ACE: variants seen among roughly 807,000 people sequenced by gnomAD.
The protein encoded by ACE is angiotensin-converting enzyme.
ACE carries 122 observed loss-of-function variants against 162.3 expected under a neutral mutation model. That is an observed-to-expected ratio of 0.75 (90% CI 0.65 to 0.87). The LOEUF (loss-of-function observed/expected upper bound fraction) is 0.87. ACE is among the 40% of genes least tolerant of loss of function. ACE has a pLI of 0.00. For missense variants in ACE, 1,799 were observed against 1,735.1 expected, an observed-to-expected ratio of 1.04 and a Z score of -0.65; for synonymous variants, 796 against 720.6, an observed-to-expected ratio of 1.10 and a Z score of -1.68.
Position 63,496,952 on chromosome 17 carries a change from G to A in ACE, c.3658G>A (p.Gly1220Ser), listed in dbSNP as rs1418538736. 6.2e-6 allele frequency: 10 copies of A among 1,612,840 alleles called. No individual in the cohort carries two copies. The highest frequency in any genetic ancestry group is 8.5e-6 in the Non-Finnish European group (10 of 1,179,908). ...TENELHGEKLGWPQYNWTPNS... is the reference protein window; with the variant it reads ...TENELHGEKLSWPQYNWTPNS... ...GAACGAGCTGCATGGGGAGAAGCTG[G>A]GCTGGCCGCAGTACAACTGGACGCC... Residue 1220 changes from glycine to serine, a missense_variant, in exon 24 of 25, where the codon GGC becomes AGC. Transcript: ENST00000290866.
chr17:63,477,128 C>CTGCTGCTGCCGCTGCCGCTGCTGT lies in ACE; in HGVS notation c.47_70dup (p.Leu16_Pro23dup), dbSNP rs983649759. 5.0e-6 allele frequency: 7 copies of CTGCTGCTGCCGCTGCCGCTGCTGT among 1,409,322 alleles called. No individual in the cohort carries two copies. The highest frequency in any genetic ancestry group is 3.2e-5 in the East Asian group (1 of 31,732). The allele number at this position is 1,409,322 out of a possible 1,614,324, so 87.3% of individuals were successfully genotyped here. A position where few individuals can be genotyped will look rare whatever the true frequency, so the allele number is the denominator to read the frequency against. On this transcript the variant is annotated inframe_insertion, in exon 1 of 25. Transcript: ENST00000290866. Reference sequence around the variant, plus strand: ...CGCCTCGGGCCGCCGGGGGCCGGGGCTGCTGCTGCCGCTGCCGCTGCTGTT... The same window carrying CTGCTGCTGCCGCTGCCGCTGCTGT: ...CGCCTCGGGCCGCCGGGGGCCGGGGCTGCTGCTGCCGCTGCCGCTGCTGTTGCTGCTGCCGCTGCCGCTGCTGTT...
In ACE at chr17:63,478,986, T is replaced by A. The variant is rs778563039; in HGVS notation, c.418-21T>A. ...TCCCAGGGGCTGGTCACTGGAGCAT[T>A]CCTCCCCTCTGACTCCCCAGTACAA... On this transcript the variant is annotated intron_variant, in intron 2 of 24. Coordinates refer to ENST00000290866, the MANE Select transcript of ACE (RefSeq NM_000789.4). 3.1e-6 allele frequency: 5 copies of A among 1,604,286 alleles called. No homozygotes were observed. In the South Asian group the frequency reaches 5.5e-5, roughly 18 times the overall value.
At chr17:63,478,257 T>C (rs1489949074) in intron 2 of ACE, 159 bp downstream of exon 2, 1 of 936,908 alleles carries the variant, frequency 1.1e-6, no homozygotes, top group East Asian at 2.7e-5. Context: ...TTTCTGAGCA[T>C]TGATTTTTCT....
chr17:63,497,480 C>T lies in ACE; in HGVS notation c.*114C>T. ...ACCCCAGCCCACCCTGCTCCTCCTG[C>T]CCTGTCCCTGTCCCCCTCCCCTCCC... is the stretch of plus-strand genomic sequence containing the variant. On this transcript the variant is annotated 3_prime_UTR_variant, in exon 25 of 25. Coordinates refer to ENST00000290866, the MANE Select transcript of ACE (RefSeq NM_000789.4). 1 of 933,004 alleles carries T rather than the reference C, an allele frequency of 1.1e-6. No homozygotes were observed. The highest frequency in any genetic ancestry group is 1.7e-6 in the Non-Finnish European group (1 of 596,636). 57.8% of individuals were successfully genotyped at this position (933,004 alleles called of 1,614,324 possible).
rs200011052 is a variant in ACE, at chr17:63,493,658, C to T, written c.3135C>T (p.Asp1045=). ...LNLLSSEGGS[D]EHDINFLMKM... is the part of the protein sequence containing the mutation. ...TGCTGAGCAGTGAGGGTGGCAGCGA[C>T]GGTGAGAGAGAAGCGGGAGGCCCTG... Residue 1045 remains aspartate, a splice_region_variant and synonymous_variant, in exon 20 of 25, where the codon GAC becomes GAT. Transcript: ENST00000290866. The T allele has an allele frequency of 9.9e-6, 16 of 1,613,776 alleles. No homozygotes were observed. The highest frequency in any genetic ancestry group is 6.7e-5 in the African/African-American group (5 of 74,892).
Position 63,477,277 on chromosome 17 carries a change from G to T in ACE, c.183G>T (p.Leu61=). ...QSYNSSAEQV[L]FQSVAASWAH... ...ACAACTCCAGCGCCGAACAGGTGCT[G>T]TTCCAGAGCGTGGCCGCCAGCTGGG... Residue 61 remains leucine (L), a synonymous_variant, in exon 1 of 25, where the codon CTG becomes CTT. Coordinates refer to ENST00000290866, the MANE Select transcript of ACE (RefSeq NM_000789.4). 1 of 1,464,382 alleles carries T rather than the reference G, an allele frequency of 6.8e-7. No homozygotes were observed. The highest frequency in any genetic ancestry group is 9.1e-7 in the Non-Finnish European group (1 of 1,104,678). The allele number at this position is 1,464,382 out of a possible 1,614,324, so 90.7% of individuals were successfully genotyped here. A position where few individuals can be genotyped will look rare whatever the true frequency, so the allele number is the denominator to read the frequency against.
chr17:63,483,135 C>T lies in ACE; in HGVS notation c.1449C>T (p.Thr483=), dbSNP rs201780696. ...QWRWGVFSGR[T]PPSRYNFDWW... Reference sequence around the variant, plus strand: ...GCTGGGGGGTCTTTAGTGGGCGTACCCCCCCTTCCCGCTACAACTTCGACT... The same window carrying T: ...GCTGGGGGGTCTTTAGTGGGCGTACTCCCCCTTCCCGCTACAACTTCGACT... The change falls in exon 9 of 25, where the codon ACC becomes ACT. Residue 483 remains threonine (T), a synonymous_variant. Transcript: ENST00000290866. The T allele has an allele frequency of 6.2e-7, 1 of 1,614,012 alleles. No homozygotes were observed. The highest frequency in any genetic ancestry group is 8.5e-7 in the Non-Finnish European group (1 of 1,180,010).
In ACE at chr17:63,497,916, C is replaced by A; in HGVS notation, c.*550C>A. 4.5e-6 allele frequency: 1 copy of A among 220,536 alleles called. No individual in the cohort carries two copies. The highest frequency in any genetic ancestry group is 9.2e-6 in the Non-Finnish European group (1 of 108,936). 13.7% of individuals were successfully genotyped at this position (220,536 alleles called of 1,614,324 possible). A position where few individuals can be genotyped will look rare whatever the true frequency, so the allele number is the denominator to read the frequency against. On this transcript the variant is annotated 3_prime_UTR_variant, in exon 25 of 25. Transcript: ENST00000290866. ...GCTGCTGGCCTCACATTTCCACTGG[C>A]AGTGGAGCCTTTCCCTGCTCCACAA...
At chr17:63,492,819 C>T (rs541034632) in intron 19 of ACE, among the ~76,000 whole-genome samples, 23 of 152,104 alleles carry the variant, frequency 1.5e-4, no homozygotes, top group Non-Finnish European at 3.1e-4. Context: ...CTCAGGGGTT[C>T]GAGACCATCC....
Position 63,478,237 on chromosome 17 carries a change from A to G in ACE, c.417+139A>G. 3 of 1,094,858 alleles carry G rather than the reference A, an allele frequency of 2.7e-6. No homozygotes were observed. The South Asian group carries it at 4.8e-5, about 18-fold the overall frequency. The allele number at this position is 1,094,858 out of a possible 1,614,324, so 67.8% of individuals were successfully genotyped here. A position where few individuals can be genotyped will look rare whatever the true frequency, so the allele number is the denominator to read the frequency against. ...GACAGAAGGGAAAGCCCAGGTAAGC[A>G]CAGAATGGCTTTCTGAGCATTGATT... On this transcript the variant is annotated intron_variant, in intron 2 of 24. Transcript: ENST00000290866.
chr17:63,497,392 C>T lies in ACE; in HGVS notation c.*26C>T. Reference sequence around the variant, plus strand: ...GGTGACCCGGCTGGGTCGGCCCTGCCCAAGGGCCTCCCACCAGAGACTGGG... The same window carrying T: ...GGTGACCCGGCTGGGTCGGCCCTGCTCAAGGGCCTCCCACCAGAGACTGGG... On this transcript the variant is annotated 3_prime_UTR_variant, in exon 25 of 25. Coordinates refer to ENST00000290866, the MANE Select transcript of ACE (RefSeq NM_000789.4). 1 of 1,531,158 alleles carries T rather than the reference C, an allele frequency of 6.5e-7. No homozygotes were observed. Among genetic ancestry groups the T allele is most frequent in the Non-Finnish European group, 8.8e-7 (1 of 1,132,566 alleles). 94.8% of individuals were successfully genotyped at this position (1,531,158 alleles called of 1,614,324 possible). A position where few individuals can be genotyped will look rare whatever the true frequency, so the allele number is the denominator to read the frequency against.
At chr17:63,492,787 C>T (rs1478707973) in intron 19 of ACE, among the ~76,000 whole-genome samples, 1 of 152,138 alleles carries the variant, frequency 6.6e-6, no homozygotes, top group Non-Finnish European at 1.5e-5. Flanking sequence ...TTTGGGAAGC[C>T]GAGGCAGGAG....
chr17:63,483,622 G>C (rs1399361134), intron 10 of ACE, 64 bp downstream of exon 10: 2 of 1,262,748 alleles, frequency 1.6e-6, no homozygotes, highest in Non-Finnish European at 2.2e-6. Flanking sequence ...TTCTCCTCCT[G>C]TGATCCTAGC....
intron 15 of ACE, among the ~76,000 whole-genome samples, chr17:63,487,661 C>T (rs2030050662): frequency 6.6e-6 from 1 of 152,244 alleles, no homozygotes; most frequent in African/African-American, 2.4e-5. Context: ...TCCTTCTTAC[C>T]CCGGCCCGTT....
Position 63,483,567 on chromosome 17 carries a change from G to GCGGGGCCC in ACE, c.1586+10_1586+11insGGGGCCCC. ...GTGACACCATACATCAGGTATTAGC[G>GCGGGGCCC]CCCCCACCCCACCCACCCCCAGTAC... On this transcript the variant is annotated intron_variant, in intron 10 of 24. Coordinates refer to ENST00000290866, the MANE Select transcript of ACE (RefSeq NM_000789.4). 6.3e-7 allele frequency: 1 copy of GCGGGGCCC among 1,589,570 alleles called. No homozygotes were observed. The highest frequency in any genetic ancestry group is 8.6e-7 in the Non-Finnish European group (1 of 1,165,680).
Position 63,488,669 on chromosome 17 carries a change from C to A in ACE, c.2327C>A (p.Thr776Lys), listed in dbSNP as rs769940023. 6.2e-7 allele frequency: 1 copy of A among 1,613,182 alleles called. No individual in the cohort carries two copies. Among genetic ancestry groups the A allele is most frequent in the South Asian group, 1.1e-5 (1 of 91,004 alleles). Residue 776 changes from threonine (T) to lysine (K), a missense_variant, in exon 16 of 25, where the codon ACG becomes AAG. Coordinates refer to ENST00000290866, the MANE Select transcript of ACE (RefSeq NM_000789.4). ...LEPDLTNVMA[T>K]SRKYEDLLWA... is the part of the protein sequence containing the mutation. ...CCAGATCTGACGAATGTGATGGCCA[C>A]GTCCCGGAAATATGAAGACCTGTTA...
rs1461081807 is a variant in ACE, at chr17:63,497,464, C to T, written c.*98C>T. On this transcript the variant is annotated 3_prime_UTR_variant, in exon 25 of 25. Transcript: ENST00000290866. ...TGAGGACACACCCCACACCCCAGCC[C>T]ACCCTGCTCCTCCTGCCCTGTCCCT... 3 of 1,097,458 alleles carry T rather than the reference C, an allele frequency of 2.7e-6. No homozygotes were observed. The highest frequency in any genetic ancestry group is 2.7e-6 in the Non-Finnish European group (2 of 745,582). 68.0% of individuals were successfully genotyped at this position (1,097,458 alleles called of 1,614,324 possible).
chr17:63,494,288 A>G, intron 21 of ACE, 84 bp from the exon 22 acceptor site: 1 of 1,377,834 alleles, frequency 7.3e-7, no homozygotes, highest in Non-Finnish European at 1.0e-6. Context: ...CCCCAAGTGC[A>G]GGGACCCTCC....
chr17:63,484,111 C>A lies in ACE; in HGVS notation c.1709+140C>A. Reference sequence around the variant, plus strand: ...ACTGATGTGGATGCCTGTCTCCTCGCTATGTCATCAAATATTTATTGAGTG... The same window carrying A: ...ACTGATGTGGATGCCTGTCTCCTCGATATGTCATCAAATATTTATTGAGTG... On this transcript the variant is annotated intron_variant, in intron 11 of 24. Transcript: ENST00000290866. This position sits in a 1 kb window ranked among gnomAD's most constrained non-coding sequence, Gnocchi z 4.0. The A allele has an allele frequency of 1.4e-6, 2 of 1,408,210 alleles. No homozygotes were observed. Among genetic ancestry groups the A allele is most frequent in the Non-Finnish European group, 9.6e-7 (1 of 1,044,758 alleles). The allele number at this position is 1,408,210 out of a possible 1,614,324, so 87.2% of individuals were successfully genotyped here. A position where few individuals can be genotyped will look rare whatever the true frequency, so the allele number is the denominator to read the frequency against.
Sources: allele counts gnomAD v4.1 joint callset (sites outside exome capture counted in the v4.1 genomes callset), GRCh38; gene constraint gnomAD v4.1.1; non-coding constraint Gnocchi (gnomAD v3.1); transcripts MANE v1.5; gene names NCBI Gene and HGNC (gene_info 2026-07-23, HGNC 2026-07-21).